Variants in AMPH observed in about 807,000 individuals in gnomAD.
AMPH encodes amphiphysin (Stiff-Mann syndrome with breast cancer 128kD autoantigen).
A neutral mutation model predicts 99.1 loss-of-function variants in AMPH; 49 were observed. The ratio of observed to expected loss-of-function variants is 0.49; its 90% CI spans 0.39 to 0.63. The LOEUF (loss-of-function observed/expected upper bound fraction) is 0.63. Ranked by LOEUF, AMPH falls within the 20% of genes least tolerant of loss-of-function variation. The pLI is 0.00. For synonymous variants in AMPH, 314 were observed against 317.3 expected, an observed-to-expected ratio of 0.99 and a Z score of 0.11; for missense variants, 759 against 863.4, an observed-to-expected ratio of 0.88 and a Z score of 1.52.
At chr7:38,621,775 C>A (rs775715363) in intron 1 of AMPH, among the ~76,000 whole-genome samples, 4 of 152,066 alleles carry the variant, frequency 2.6e-5, no homozygotes, top group African/African-American at 7.2e-5. Flanking sequence ...TCAGGGTGAT[C>A]AAAATTGATA....
intron 11 of AMPH, among the ~76,000 whole-genome samples, chr7:38,445,310 A>G (rs1328603538): frequency 2.6e-5 from 4 of 152,132 alleles, no homozygotes; most frequent in African/African-American, 9.7e-5. Context: ...CCTGAAAATA[A>G]AACTTCTAAA....
chr7:38,509,003 T>C (rs1431738483), intron 2 of AMPH, among the ~76,000 whole-genome samples: 1 of 152,136 alleles, frequency 6.6e-6, no homozygotes, highest in East Asian at 1.9e-4. Flanking sequence ...TACTAAGAAA[T>C]AGAGCTCTCC....
At chr7:38,625,157 C>G (rs1794201294) in intron 1 of AMPH, among the ~76,000 whole-genome samples, 1 of 152,088 alleles carries the variant, frequency 6.6e-6, no homozygotes, top group South Asian at 2.1e-4. Flanking sequence ...AGGTCCATTC[C>G]TCAACCCCAA....
At chr7:38,517,262 A>C (rs1421186489) in intron 2 of AMPH, among the ~76,000 whole-genome samples, 1 of 152,184 alleles carries the variant, frequency 6.6e-6, no homozygotes, top group African/African-American at 2.4e-5. Flanking sequence ...TTGTAAACCC[A>C]AGTGTTGGAG....
At chr7:38,512,761 G>C (rs906068092) in intron 2 of AMPH, among the ~76,000 whole-genome samples, 4 of 152,102 alleles carry the variant, frequency 2.6e-5, no homozygotes, top group Admixed American at 6.6e-5. Context: ...TTAAATTAAG[G>C]CTTTTCATTT....
intron 1 of AMPH, among the ~76,000 whole-genome samples, chr7:38,603,995 A>T (rs1216753072): frequency 6.6e-6 from 1 of 152,238 alleles, no homozygotes; most frequent in Non-Finnish European, 1.5e-5. Flanking sequence ...GAAAGAATTT[A>T]GGTTACATGT....
chr7:38,600,405 G>A (rs953160096), intron 1 of AMPH, among the ~76,000 whole-genome samples: 9 of 151,944 alleles, frequency 5.9e-5, no homozygotes, highest in African/African-American at 1.5e-4. Context: ...TCATATTCCC[G>A]ATTTTTAAAT....
intron 1 of AMPH, among the ~76,000 whole-genome samples, chr7:38,605,203 G>A (rs1053428782): frequency 2.0e-5 from 3 of 152,244 alleles, no homozygotes; most frequent in Admixed American, 6.5e-5. Context: ...TGGGAGAAGG[G>A]GACAAGAGAG....
chr7:38,508,790 G>A (rs978091209), intron 2 of AMPH, among the ~76,000 whole-genome samples: 18 of 152,142 alleles, frequency 1.2e-4, no homozygotes, highest in Admixed American at 1.2e-3. Flanking sequence ...TCAGAGTTCA[G>A]ACAGGTTAAC....
intron 1 of AMPH, among the ~76,000 whole-genome samples, chr7:38,589,526 G>A (rs192307711): frequency 5.3e-5 from 8 of 152,196 alleles, no homozygotes; most frequent in East Asian, 1.9e-4. Context: ...AACCTACCCC[G>A]AGCATCAAAA....
At chr7:38,517,332 C>T (rs1399065907) in intron 2 of AMPH, among the ~76,000 whole-genome samples, 1 of 152,108 alleles carries the variant, frequency 6.6e-6, no homozygotes, top group Non-Finnish European at 1.5e-5. Context: ...GCCATTCTTG[C>T]CATTCTCATA....
intron 15 of AMPH, among the ~76,000 whole-genome samples, chr7:38,424,229 G>C (rs1379290702): frequency 6.6e-6 from 1 of 152,182 alleles, no homozygotes; most frequent in African/African-American, 2.4e-5. Flanking sequence ...CCTGTACAAG[G>C]TTCCAGTCAG....
At chr7:38,436,469 C>A in intron 11 of AMPH, 81 bp from the exon 12 acceptor site, 1 of 1,010,236 alleles carries the variant, frequency 9.9e-7, no homozygotes, top group Non-Finnish European at 1.5e-6. Flanking sequence ...CATGTATACT[C>A]TCTCTAATAT....
chr7:38,478,563 C>A (rs1584144872), intron 5 of AMPH, among the ~76,000 whole-genome samples: 1 of 152,062 alleles, frequency 6.6e-6, no homozygotes, highest in African/African-American at 2.4e-5. Context: ...TCAAAAATTA[C>A]AAAATACACA....
chr7:38,412,051 G>A (rs1036506538), intron 17 of AMPH, among the ~76,000 whole-genome samples: 3 of 152,094 alleles, frequency 2.0e-5, no homozygotes, highest in Non-Finnish European at 2.9e-5. Flanking sequence ...TAAATCCATA[G>A]CACATTGGCA....
At chr7:38,461,778 A>C (rs1045401213) in intron 10 of AMPH, among the ~76,000 whole-genome samples, 3 of 152,254 alleles carry the variant, frequency 2.0e-5, no homozygotes, top group Non-Finnish European at 1.5e-5. Flanking sequence ...TTAAAATTTC[A>C]AAACTAAAGC....
chr7:38,586,100 A>C (rs1792636035), intron 1 of AMPH, among the ~76,000 whole-genome samples: 1 of 152,242 alleles, frequency 6.6e-6, no homozygotes. Flanking sequence ...AAGTCCAGAC[A>C]TGGAACTAAA....
At chr7:38,522,172 A>C (rs1007988760) in intron 2 of AMPH, among the ~76,000 whole-genome samples, 1 of 152,176 alleles carries the variant, frequency 6.6e-6, no homozygotes, top group Non-Finnish European at 1.5e-5. Flanking sequence ...CAAACCATAC[A>C]TTTTATATTG....
rs980225347 is a variant in AMPH, at chr7:38,548,325, G to A, written c.70-13314C>T. 9.9e-5 allele frequency among the ~76,000 whole-genome samples: 15 copies of A among 151,876 alleles called. No homozygotes were observed. In the East Asian group the frequency reaches 1.2e-3, roughly 12 times the overall value. On this transcript the variant is annotated intron_variant, in intron 1 of 20. Coordinates refer to ENST00000356264, the MANE Select transcript of AMPH (RefSeq NM_001635.4). ...ATTACAGGCTTGAGCCACTGCACCC[G>A]GCCCCTTGTGGGCAAATTTTGAGGG...
Sources: allele counts gnomAD v4.1 joint callset (sites outside exome capture counted in the v4.1 genomes callset), GRCh38; gene constraint gnomAD v4.1.1; transcripts MANE v1.5; gene names NCBI Gene and HGNC (gene_info 2026-07-23, HGNC 2026-07-21).